Variants in MC1R observed in about 807,000 individuals in gnomAD.
The protein encoded by MC1R is melanocortin 1 receptor.
For missense variants in MC1R, 542 were observed against 430.0 expected (o/e 1.26, Z -2.30); for synonymous variants, 263 against 203.8 (o/e 1.29, Z -2.47).
Position 89,920,244 on chromosome 16 carries a change from C to A in MC1R, c.*32C>A. 3 of 1,559,024 alleles carry A rather than the reference C, an allele frequency of 1.9e-6. No individual in the cohort carries two copies. The highest frequency in any genetic ancestry group is 1.8e-6 in the Non-Finnish European group (2 of 1,133,308). On this transcript the variant is annotated 3_prime_UTR_variant, in exon 1 of 1. Transcript: ENST00000555147. ...TGCACGCGGCTTTAAGTGTGCTGGG[C>A]AGAGGGAGGTGGTGATATTGTGTGG...
Position 89,920,797 on chromosome 16 carries a change from G to A in MC1R, c.*585G>A. On this transcript the variant is annotated 3_prime_UTR_variant, in exon 1 of 1. Coordinates refer to ENST00000555147, the MANE Select transcript of MC1R (RefSeq NM_002386.4). ...TGCAGGAGCCCCCCTAGTGGTATGG[G>A]GCTGAGCCCTCCTGAGGGCCGGTTC... 2 of 653,774 alleles carry A rather than the reference G, an allele frequency of 3.1e-6. No individual in the cohort carries two copies. Among genetic ancestry groups the A allele is most frequent in the Admixed American group, 2.5e-5 (1 of 39,466 alleles). 40.5% of individuals were successfully genotyped at this position (653,774 alleles called of 1,614,324 possible).
Position 89,919,546 on chromosome 16 carries a change from C to T in MC1R, c.288C>T (p.Ala96=), listed in dbSNP as rs780284801. 36 of 1,612,454 alleles carry T rather than the reference C, an allele frequency of 2.2e-5. No individual in the cohort carries two copies. Among genetic ancestry groups the T allele is most frequent in the Middle Eastern group, 1.6e-4 (1 of 6,080 alleles). ...LVSGSNVLET[A]VILLLEAGAL... The stretch of plus-strand genomic sequence containing the variant: ...GCGGGAGCAACGTGCTGGAGACGGC[C>T]GTCATCCTCCTGCTGGAGGCCGGTG... The change falls in exon 1 of 1, where the codon GCC becomes GCT. Residue 96 remains alanine, a synonymous_variant. Coordinates refer to ENST00000555147, the MANE Select transcript of MC1R (RefSeq NM_002386.4).
chr16:89,920,524 C>T lies in MC1R; in HGVS notation c.*312C>T, dbSNP rs911435490. On this transcript the variant is annotated 3_prime_UTR_variant, in exon 1 of 1. Transcript: ENST00000555147. The stretch of plus-strand genomic sequence containing the variant: ...CTCCTAAAGAGACATTTTCCGCCCA[C>T]TCCTGGGACACTCCGTCTGCTCCAA... 1 of 626,340 alleles carries T rather than the reference C, an allele frequency of 1.6e-6. No homozygotes were observed. The highest frequency in any genetic ancestry group is 1.8e-5 in the African/African-American group (1 of 54,240). 38.8% of individuals were successfully genotyped at this position (626,340 alleles called of 1,614,324 possible).
Position 89,920,085 on chromosome 16 carries a change from T to G in MC1R, c.827T>G (p.Ile276Ser), listed in dbSNP as rs756696134. The change falls in exon 1 of 1, where the codon ATC (isoleucine) becomes AGC (serine). Residue 276 changes from isoleucine to serine, a missense_variant. By Grantham distance (142) the Ile-to-Ser change is moderately radical (BLOSUM62 -2). Coordinates refer to ENST00000555147, the MANE Select transcript of MC1R (RefSeq NM_002386.4). ...LCPEHPTCGC[I>S]FKNFNLFLAL... ...CCCGAGCACCCCACGTGCGGCTGCATCTTCAAGAACTTCAACCTCTTTCTC... is the reference window on the plus strand; with the variant it reads ...CCCGAGCACCCCACGTGCGGCTGCAGCTTCAAGAACTTCAACCTCTTTCTC... 1.2e-6 allele frequency: 2 copies of G among 1,613,922 alleles called. No individual in the cohort carries two copies. Among genetic ancestry groups the G allele is most frequent in the South Asian group, 2.2e-5 (2 of 91,088 alleles).
At position 89,919,830 on chromosome 16, in the gene MC1R, G is replaced by A; in HGVS notation, c.572G>A (p.Cys191Tyr). The A allele has an allele frequency of 3.1e-6, 5 of 1,606,814 alleles. No homozygotes were observed. Among genetic ancestry groups the A allele is most frequent in the Non-Finnish European group, 3.4e-6 (4 of 1,179,582 alleles). The change falls in exon 1 of 1, where the codon TGC becomes TAC. Residue 191 changes from cysteine to tyrosine, a missense_variant. Physicochemically the swap from Cys to Tyr is radical, Grantham distance 194. Transcript: ENST00000555147. Reference sequence around the variant, plus strand: ...TACGACCACGTGGCCGTCCTGCTGTGCCTCGTGGTCTTCTTCCTGGCTATG... The same window carrying A: ...TACGACCACGTGGCCGTCCTGCTGTACCTCGTGGTCTTCTTCCTGGCTATG... The part of the protein sequence containing the change: ...AYYDHVAVLL[C>Y]LVVFFLAMLV...
Position 89,919,364 on chromosome 16 carries a change from C to A in MC1R, c.106C>A (p.Leu36Met). Residue 36 changes from leucine to methionine, a missense_variant, in exon 1 of 1, where the codon CTG becomes ATG. By Grantham distance (15) the Leu-to-Met change is conservative. Transcript: ENST00000555147. ...LAANQTGARCLEVSISDGLFL... is the reference protein window; with the variant it reads ...LAANQTGARCMEVSISDGLFL... ...TGCCAACCAGACAGGAGCCCGGTGC[C>A]TGGAGGTGTCCATCTCTGACGGGCT... is the stretch of plus-strand genomic sequence containing the variant. 9 of 1,613,244 alleles carry A rather than the reference C, an allele frequency of 5.6e-6. No individual in the cohort carries two copies. Among genetic ancestry groups the A allele is most frequent in the Non-Finnish European group, 7.6e-6 (9 of 1,179,852 alleles).
chr16:89,919,415 T>C lies in MC1R; in HGVS notation c.157T>C (p.Leu53=), dbSNP rs751133343. 7 of 1,613,274 alleles carry C rather than the reference T, an allele frequency of 4.3e-6. No individual in the cohort carries two copies. In the Admixed American group the frequency reaches 6.7e-5, roughly 15 times the overall value. The part of the protein sequence containing the change: ...GLFLSLGLVS[L]VENALVVATI... Reference sequence around the variant, plus strand: ...CTTCCTCAGCCTGGGGCTGGTGAGCTTGGTGGAGAACGCGCTGGTGGTGGC... The same window carrying C: ...CTTCCTCAGCCTGGGGCTGGTGAGCCTGGTGGAGAACGCGCTGGTGGTGGC... The change falls in exon 1 of 1, where the codon TTG becomes CTG. Residue 53 remains leucine, a synonymous_variant. Transcript: ENST00000555147.
rs893850664 is a variant in MC1R, at chr16:89,920,949, A to G, written c.*737A>G. ...AGCATGGGGCCAGGAAAGTCTGGTA[A>G]TAAATGTGACTCAGCATCACCCACC... On this transcript the variant is annotated 3_prime_UTR_variant, in exon 1 of 1. Transcript: ENST00000555147. The G allele has an allele frequency of 3.7e-6, 2 of 536,944 alleles. No individual in the cohort carries two copies. The highest frequency in any genetic ancestry group is 1.9e-5 in the African/African-American group (1 of 51,320). 33.3% of individuals were successfully genotyped at this position (536,944 alleles called of 1,614,324 possible). A position where few individuals can be genotyped will look rare whatever the true frequency, so the allele number is the denominator to read the frequency against.
In MC1R at chr16:89,920,066, C is replaced by A; in HGVS notation, c.808C>A (p.His270Asn). Residue 270 changes from histidine to asparagine, a missense_variant, in exon 1 of 1, where the codon CAC (histidine) becomes AAC (asparagine). Physicochemically the swap from His to Asn is moderately conservative, Grantham distance 68 (BLOSUM62 1). Coordinates refer to ENST00000555147, the MANE Select transcript of MC1R (RefSeq NM_002386.4). ...HLTLIVLCPE[H>N]PTCGCIFKNF... ...CACACTCATCGTCCTCTGCCCCGAGCACCCCACGTGCGGCTGCATCTTCAA... is the reference window on the plus strand; with the variant it reads ...CACACTCATCGTCCTCTGCCCCGAGAACCCCACGTGCGGCTGCATCTTCAA... 2 of 1,613,916 alleles carry A rather than the reference C, an allele frequency of 1.2e-6. No individual in the cohort carries two copies. The highest frequency in any genetic ancestry group is 1.7e-6 in the Non-Finnish European group (2 of 1,179,898).
In MC1R at chr16:89,919,751, G is replaced by A. The variant is rs762096175; in HGVS notation, c.493G>A (p.Val165Ile). 16 of 1,608,130 alleles carry A rather than the reference G, an allele frequency of 9.9e-6. No individual in the cohort carries two copies. The highest frequency in any genetic ancestry group is 4.4e-5 in the South Asian group (4 of 91,088). The stretch of plus-strand genomic sequence containing the variant: ...GACCCTGCCGCGGGCGCGGCGAGCC[G>A]TTGCGGCCATCTGGGTGGCCAGTGT... ...IVTLPRARRA[V>I]AAIWVASVVF... Residue 165 changes from valine (V) to isoleucine (I), a missense_variant, in exon 1 of 1, where the codon GTT becomes ATT. By Grantham distance (29) the Val-to-Ile change is conservative. Coordinates refer to ENST00000555147, the MANE Select transcript of MC1R (RefSeq NM_002386.4).
Position 89,920,523 on chromosome 16 carries a change from A to T in MC1R, c.*311A>T. On this transcript the variant is annotated 3_prime_UTR_variant, in exon 1 of 1. Transcript: ENST00000555147. The stretch of plus-strand genomic sequence containing the variant: ...GCTCCTAAAGAGACATTTTCCGCCC[A>T]CTCCTGGGACACTCCGTCTGCTCCA... 1.6e-6 allele frequency: 1 copy of T among 615,352 alleles called. No homozygotes were observed. The highest frequency in any genetic ancestry group is 3.0e-6 in the Non-Finnish European group (1 of 338,050). 38.1% of individuals were successfully genotyped at this position (615,352 alleles called of 1,614,324 possible).
At position 89,920,475 on chromosome 16, in the gene MC1R, C is replaced by T. The variant is rs573848209; in HGVS notation, c.*263C>T. Reference sequence around the variant, plus strand: ...GGGGAGGTTGTGGGGCCTCAGGCTCCGGGCACCAGGGGCCAACCTCAGGCT... The same window carrying T: ...GGGGAGGTTGTGGGGCCTCAGGCTCTGGGCACCAGGGGCCAACCTCAGGCT... On this transcript the variant is annotated 3_prime_UTR_variant, in exon 1 of 1. Transcript: ENST00000555147. The T allele has an allele frequency of 9.2e-5, 57 of 616,408 alleles. No homozygotes were observed. Among genetic ancestry groups the T allele is most frequent in the African/African-American group, 8.3e-4 (45 of 53,956 alleles). 38.2% of individuals were successfully genotyped at this position (616,408 alleles called of 1,614,324 possible).
At position 89,919,298 on chromosome 16, in the gene MC1R, C is replaced by T. The variant is rs368247494; in HGVS notation, c.40C>T (p.Leu14Phe). Reference protein sequence around the residue: ...QGSQRRLLGSLNSTPTAIPQL... With the variant: ...QGSQRRLLGSFNSTPTAIPQL... ...ATCCCAGAGAAGACTTCTGGGCTCCCTCAACTCCACCCCCACAGCCATCCC... is the reference window on the plus strand; with the variant it reads ...ATCCCAGAGAAGACTTCTGGGCTCCTTCAACTCCACCCCCACAGCCATCCC... Residue 14 changes from leucine (L) to phenylalanine (F), a missense_variant, in exon 1 of 1, where the codon CTC becomes TTC. Leu to Phe is a conservative substitution (Grantham distance 22). Coordinates refer to ENST00000555147, the MANE Select transcript of MC1R (RefSeq NM_002386.4). 5 of 1,606,528 alleles carry T rather than the reference C, an allele frequency of 3.1e-6. No homozygotes were observed. The highest frequency in any genetic ancestry group is 1.3e-5 in the African/African-American group (1 of 74,744).
rs368745976 is a variant in MC1R, at chr16:89,919,591, G to A, written c.333G>A (p.Ala111=). 326 of 1,609,764 alleles carry A rather than the reference G, an allele frequency of 2.0e-4. 2 individuals carry two copies. In the Admixed American group the frequency reaches 3.9e-3, roughly 19 times the overall value. Residue 111 remains alanine (A), a synonymous_variant, in exon 1 of 1, where the codon GCG becomes GCA. Coordinates refer to ENST00000555147, the MANE Select transcript of MC1R (RefSeq NM_002386.4). ...CCGGTGCACTGGTGGCCCGGGCTGC[G>A]GTGCTGCAGCAGCTGGACAATGTCA... is the stretch of plus-strand genomic sequence containing the variant. ...LEAGALVARA[A]VLQQLDNVID... is the part of the protein sequence containing the mutation.
In MC1R at chr16:89,918,968, A is replaced by G; in HGVS notation, c.-291A>G. The stretch of plus-strand genomic sequence containing the variant: ...CCTGGGGACCTGAGCAGCAGCCACC[A>G]GGGAAGAGGCAGGGAGGGAGCTGAG... On this transcript the variant is annotated 5_prime_UTR_variant, in exon 1 of 1. Coordinates refer to ENST00000555147, the MANE Select transcript of MC1R (RefSeq NM_002386.4). 2.1e-6 allele frequency: 1 copy of G among 476,542 alleles called. No individual in the cohort carries two copies. Among genetic ancestry groups the G allele is most frequent in the Non-Finnish European group, 3.8e-6 (1 of 264,206 alleles). The allele number at this position is 476,542 out of a possible 1,614,324, so 29.5% of individuals were successfully genotyped here. A position where few individuals can be genotyped will look rare whatever the true frequency, so the allele number is the denominator to read the frequency against.
Position 89,920,628 on chromosome 16 carries a change from C to G in MC1R, c.*416C>G. On this transcript the variant is annotated 3_prime_UTR_variant, in exon 1 of 1. Coordinates refer to ENST00000555147, the MANE Select transcript of MC1R (RefSeq NM_002386.4). ...GCCCTCGTCAGCTGGGATGTGAAGT[C>G]TCTGGGTGGAAGTGTGTGCCAAGAG... 1.4e-6 allele frequency: 1 copy of G among 710,308 alleles called. No individual in the cohort carries two copies. Among genetic ancestry groups the G allele is most frequent in the Non-Finnish European group, 2.6e-6 (1 of 382,316 alleles). The allele number at this position is 710,308 out of a possible 1,614,324, so 44.0% of individuals were successfully genotyped here.
In MC1R at chr16:89,920,193, T is replaced by C. The variant is rs745994833; in HGVS notation, c.935T>C (p.Val312Ala). Reference sequence around the variant, plus strand: ...GAGCTCCGCAGGACGCTCAAGGAGGTGCTGACATGCTCCTGGTGAGCGCGG... The same window carrying C: ...GAGCTCCGCAGGACGCTCAAGGAGGCGCTGACATGCTCCTGGTGAGCGCGG... The part of the protein sequence containing the change: ...SQELRRTLKE[V>A]LTCSW Residue 312 changes from valine (V) to alanine (A), a missense_variant, in exon 1 of 1, where the codon GTG becomes GCG. Transcript: ENST00000555147. 4.1e-5 allele frequency: 66 copies of C among 1,613,642 alleles called. No individual in the cohort carries two copies. The Admixed American group carries it at 1.1e-3, about 26-fold the overall frequency.
At position 89,919,213 on chromosome 16, in the gene MC1R, G is replaced by A. The variant is rs1160604465; in HGVS notation, c.-46G>A. 1 of 1,335,680 alleles carries A rather than the reference G, an allele frequency of 7.5e-7. No individual in the cohort carries two copies. Among genetic ancestry groups the A allele is most frequent in the Non-Finnish European group, 1.0e-6 (1 of 976,922 alleles). 82.7% of individuals were successfully genotyped at this position (1,335,680 alleles called of 1,614,324 possible). A position where few individuals can be genotyped will look rare whatever the true frequency, so the allele number is the denominator to read the frequency against. On this transcript the variant is annotated 5_prime_UTR_variant, in exon 1 of 1. Transcript: ENST00000555147. ...ACACCTGGAGGGGAAGAACTGTGGG[G>A]ACCTGGAGGCCTCCAACGACTCCTT...
rs978644575 is a variant in MC1R at position 89,919,039 on chromosome 16, C to T, written c.-220C>T. ...ATCCCTGAGCCCAGGCGGTAGATGC[C>T]AGGAGGTGTCTGGACTGGCTGGGCC... On this transcript the variant is annotated 5_prime_UTR_variant, in exon 1 of 1. Transcript: ENST00000555147. 11 of 563,514 alleles carry T rather than the reference C, an allele frequency of 2.0e-5. No individual in the cohort carries two copies. The Admixed American group carries it at 3.5e-4, about 18-fold the overall frequency. 34.9% of individuals were successfully genotyped at this position (563,514 alleles called of 1,614,324 possible). A position where few individuals can be genotyped will look rare whatever the true frequency, so the allele number is the denominator to read the frequency against.
Sources: gnomAD v4.1 joint callset for allele counts on GRCh38, gnomAD v4.1.1 for gene constraint, MANE v1.5 for transcripts, NCBI Gene and HGNC (gene_info 2026-07-23, HGNC 2026-07-21) for gene names.